The following LRRC56 variants were observed in gnomAD, a reference collection of about 807,000 sequenced individuals.
The protein encoded by LRRC56 is leucine rich repeat containing 56, also known as leucine-rich repeat-containing protein 56.
Under a neutral mutation model 47.8 loss-of-function variants are expected in LRRC56, and 41 were observed. The observed-to-expected ratio is 0.86, with a 90% CI of 0.67 to 1.11. LRRC56 has a LOEUF of 1.11. Ranked by LOEUF, LRRC56 falls within the 50% of genes most tolerant of loss-of-function variation. The pLI is 0.00. For missense variants in LRRC56, 759 were observed against 704.2 expected, an observed-to-expected ratio of 1.08 and a Z score of -0.88; for synonymous variants, 387 against 311.2, an observed-to-expected ratio of 1.24 and a Z score of -2.56.
the LRRC56 span, among the ~76,000 whole-genome samples, chr11:521,038 A>T: frequency 6.6e-6 from 1 of 152,130 alleles, no homozygotes; most frequent in Non-Finnish European, 1.5e-5. Flanking sequence ...TTATGCAAAC[A>T]CTGCCACCGC....
upstream of LRRC56, chr11:534,647 AC>A (rs1851344316): frequency 2.2e-6 from 1 of 448,904 alleles, no homozygotes; most frequent in Admixed American, 3.7e-5. Flanking sequence ...TCAACCACGC[AC>A]CCAAATTAGA....
intron 6 of LRRC56, among the ~76,000 whole-genome samples, chr11:545,960 C>T (rs1852053020): frequency 6.6e-6 from 1 of 152,148 alleles, no homozygotes. Flanking sequence ...CTTATTTGTA[C>T]TTCTGTTTAT....
upstream of LRRC56, chr11:533,376 G>T: frequency 6.2e-7 from 1 of 1,603,608 alleles, no homozygotes; most frequent in Non-Finnish European, 8.5e-7. Flanking sequence ...AAGGGAGAGG[G>T]TCAGTGAGTG....
upstream of LRRC56, chr11:534,444 G>C: frequency 1.3e-6 from 1 of 778,912 alleles, no homozygotes. Context: ...GCTGCTGGCA[G>C]GGCCATCTGA....
intron 13 of LRRC56, among the ~76,000 whole-genome samples, chr11:553,215 A>G (rs1267982066): frequency 6.6e-6 from 1 of 152,198 alleles, no homozygotes; most frequent in East Asian, 1.9e-4. Context: ...TTTACGAAGG[A>G]CACTGACTTC....
At chr11:520,875 G>A in the LRRC56 span, among the ~76,000 whole-genome samples, 3 of 152,144 alleles carry the variant, frequency 2.0e-5, no homozygotes, top group South Asian at 2.1e-4. Flanking sequence ...TGCACAATGC[G>A]CACCCACCCG....
intron 6 of LRRC56, among the ~76,000 whole-genome samples, chr11:545,860 A>C (rs1402484205): frequency 2.0e-5 from 3 of 152,228 alleles, no homozygotes; most frequent in Non-Finnish European, 4.4e-5. Context: ...AGCTGTGTGA[A>C]TTGGGCTCCA....
intron 10 of LRRC56, 23 bp downstream of exon 10, chr11:551,850 G>C: frequency 6.2e-7 from 1 of 1,609,024 alleles, no homozygotes; most frequent in Middle Eastern, 1.7e-4. Flanking sequence ...CCTCAAAGCT[G>C]ACCCTGCAGC....
At chr11:510,358 T>C in the LRRC56 span, among the ~76,000 whole-genome samples, 2 of 152,090 alleles carry the variant, frequency 1.3e-5, no homozygotes, top group Non-Finnish European at 2.9e-5. Flanking sequence ...TCCCAGCACG[T>C]TGGGAGGCCG....
chr11:529,935 G>A, the LRRC56 span, among the ~76,000 whole-genome samples: 1 of 152,184 alleles, frequency 6.6e-6, no homozygotes, highest in East Asian at 1.9e-4. Context: ...AGGCCTAGCG[G>A]CATGAGGGGG....
the LRRC56 span, among the ~76,000 whole-genome samples, chr11:514,421 G>A: frequency 6.6e-6 from 1 of 151,482 alleles, no homozygotes; most frequent in Non-Finnish European, 1.5e-5. Flanking sequence ...CTAGTAGCTG[G>A]GACCACAGGT....
In LRRC56 at chr11:542,580, CAAAAAAA is replaced by C. The variant is rs71022928; in HGVS notation, c.265+974_265+980del. Among the ~76,000 whole-genome samples the C allele has an allele frequency of 3.2e-3, 83 of 26,012 alleles. 1 individual carries two copies. Among genetic ancestry groups the C allele is most frequent in the Non-Finnish European group, 4.4e-3 (69 of 15,514 alleles). 17.1% of individuals were successfully genotyped at this position (26,012 alleles called of 152,430 possible). On this transcript the variant is annotated intron_variant, in intron 5 of 13. Transcript: ENST00000270115. ...TGGGCGACAGAGCAAAACCCTGTCG[CAAAAAAA>C]AAAAAAAAAAAAAAAAACACTCCCT...
the LRRC56 span, among the ~76,000 whole-genome samples, chr11:511,263 G>A: frequency 1.3e-5 from 2 of 150,840 alleles, no homozygotes; most frequent in Non-Finnish European, 2.9e-5. Flanking sequence ...GGAGCTTGCA[G>A]TGAGCCAAGA....
the LRRC56 span, among the ~76,000 whole-genome samples, chr11:527,490 A>G: frequency 1.3e-5 from 2 of 152,196 alleles, no homozygotes; most frequent in African/African-American, 2.4e-5. Context: ...GCCTCACAGC[A>G]GAGAGTCATG....
chr11:548,266 C>T (rs1589813652), intron 6 of LRRC56, among the ~76,000 whole-genome samples: 2 of 152,076 alleles, frequency 1.3e-5, no homozygotes, highest in East Asian at 1.9e-4. Context: ...TTGGAGCAGC[C>T]AAGAAAAGAG....
At chr11:513,949 G>C in the LRRC56 span, among the ~76,000 whole-genome samples, 3 of 152,078 alleles carry the variant, frequency 2.0e-5, no homozygotes, top group Non-Finnish European at 2.9e-5. Flanking sequence ...TCAAGCCTCA[G>C]GTGATTGCTG....
the LRRC56 span, among the ~76,000 whole-genome samples, chr11:507,749 C>T: frequency 1.3e-5 from 2 of 152,244 alleles, no homozygotes; most frequent in Non-Finnish European, 2.9e-5. Flanking sequence ...GGTAGAGGGG[C>T]TCGTTTGCGC....
At chr11:532,167 A>C in the LRRC56 span, 1 of 277,128 alleles carries the variant, frequency 3.6e-6, no homozygotes, top group Non-Finnish European at 7.0e-6. Flanking sequence ...CCAGGGCTGG[A>C]CAGGCCTGAG....
Position 552,577 on chromosome 11 carries a change from C to A in LRRC56, c.1190C>A (p.Pro397His). The change falls in exon 13 of 14, where the codon CCC becomes CAC. Residue 397 changes from proline to histidine, a missense_variant. Pro to His is a moderately conservative substitution (Grantham distance 77). Coordinates refer to ENST00000270115, the MANE Select transcript of LRRC56 (RefSeq NM_198075.4). ...AWREHGVRPL[P>H]YRHPESQQEG... is the part of the protein sequence containing the mutation. Reference sequence around the variant, plus strand: ...TCCTCTCCCCACCCTAGCCCCCTCCCCTATAGGCACCCGGAGTCCCAACAG... The same window carrying A: ...TCCTCTCCCCACCCTAGCCCCCTCCACTATAGGCACCCGGAGTCCCAACAG... The A allele has an allele frequency of 6.2e-7, 1 of 1,604,006 alleles. No homozygotes were observed. Among genetic ancestry groups the A allele is most frequent in the South Asian group, 1.1e-5 (1 of 89,920 alleles).
Sources: gnomAD v4.1 joint callset for allele counts (sites outside exome capture counted in the v4.1 genomes callset) on GRCh38, gnomAD v4.1.1 for gene constraint, MANE v1.5 for transcripts, NCBI Gene and HGNC (gene_info 2026-07-23, HGNC 2026-07-21) for gene names.